The following MAML2 variants were observed in gnomAD, a reference collection of about 807,000 sequenced individuals.
MAML2 encodes the protein mastermind-like protein 2.
MAML2 carries 22 observed loss-of-function variants against 96.1 expected under a neutral mutation model. The observed-to-expected ratio is 0.23, with a 90% CI of 0.16 to 0.33. MAML2 has a LOEUF of 0.33. MAML2 is among the 10% of genes least tolerant of loss of function. The pLI is 1.00. For missense variants in MAML2, 1,367 were observed against 1,392.4 expected (o/e 0.98, Z 0.29); for synonymous variants, 561 against 521.3 (o/e 1.08, Z -1.04).
chr11:96,225,179 T>C (rs1472339561), intron 1 of MAML2, among the ~76,000 whole-genome samples: 1 of 152,124 alleles, frequency 6.6e-6, no homozygotes, highest in East Asian at 1.9e-4. Flanking sequence ...AGGAACAAAA[T>C]AGAGGGGAAG....
chr11:96,339,350 A>T (rs1269441320), intron 1 of MAML2, among the ~76,000 whole-genome samples: 2 of 152,220 alleles, frequency 1.3e-5, no homozygotes, highest in Non-Finnish European at 2.9e-5. Context: ...CTGTAAAGTT[A>T]CCACGACCAC....
At chr11:96,232,191 C>T (rs1327865788) in intron 1 of MAML2, among the ~76,000 whole-genome samples, 3 of 152,204 alleles carry the variant, frequency 2.0e-5, no homozygotes, top group Non-Finnish European at 4.4e-5. Context: ...CCCTAAGCAT[C>T]ACGTCTTTGG....
intron 1 of MAML2, among the ~76,000 whole-genome samples, chr11:96,317,087 G>A (rs1863642773): frequency 6.6e-6 from 1 of 152,166 alleles, no homozygotes; most frequent in Non-Finnish European, 1.5e-5. Flanking sequence ...TTCCACAGAT[G>A]TTCCTCGGTG....
chr11:96,230,047 A>T (rs1862270027), intron 1 of MAML2, among the ~76,000 whole-genome samples: 1 of 152,210 alleles, frequency 6.6e-6, no homozygotes, highest in Non-Finnish European at 1.5e-5. Context: ...CTGAAAATTG[A>T]AACAGCTTTA....
intron 1 of MAML2, among the ~76,000 whole-genome samples, chr11:96,129,356 G>T (rs1469073187): frequency 1.3e-5 from 2 of 152,196 alleles, no homozygotes; most frequent in Non-Finnish European, 2.9e-5. Flanking sequence ...TCTACCTCTA[G>T]AGTTTCAGGT....
chr11:96,009,301 G>C (rs1213753522), intron 2 of MAML2, among the ~76,000 whole-genome samples: 1 of 152,010 alleles, frequency 6.6e-6, no homozygotes, highest in African/African-American at 2.4e-5. Flanking sequence ...TCTTTACCTT[G>C]ATCTGACAGC....
chr11:96,267,775 T>C (rs1844201837), intron 1 of MAML2, among the ~76,000 whole-genome samples: 1 of 152,214 alleles, frequency 6.6e-6, no homozygotes, highest in Non-Finnish European at 1.5e-5. Context: ...AGTCTAATTA[T>C]GGGAGGGCTG....
At chr11:96,318,217 C>T (rs1361311588) in intron 1 of MAML2, among the ~76,000 whole-genome samples, 3 of 152,190 alleles carry the variant, frequency 2.0e-5, no homozygotes, top group African/African-American at 7.2e-5. Context: ...TTGTTGGTTA[C>T]ATCTCCAAGA....
chr11:96,228,463 T>C (rs1862245544), intron 1 of MAML2, among the ~76,000 whole-genome samples: 2 of 152,144 alleles, frequency 1.3e-5, no homozygotes, highest in Non-Finnish European at 2.9e-5. Context: ...CCAAACACTT[T>C]CCCCAAGTCA....
At chr11:96,106,093 T>A (rs752169565) in intron 1 of MAML2, among the ~76,000 whole-genome samples, 3 of 152,230 alleles carry the variant, frequency 2.0e-5, no homozygotes, top group African/African-American at 7.2e-5. Flanking sequence ...GCCTTTATAT[T>A]GTTTGCAGTT....
At chr11:96,055,528 T>C (rs979226024) in intron 2 of MAML2, among the ~76,000 whole-genome samples, 1 of 152,212 alleles carries the variant, frequency 6.6e-6, no homozygotes, top group Non-Finnish European at 1.5e-5. Context: ...CTATACTTTG[T>C]ATGAAAAGAT....
At chr11:96,218,819 T>C (rs1862088628) in intron 1 of MAML2, among the ~76,000 whole-genome samples, 1 of 152,238 alleles carries the variant, frequency 6.6e-6, no homozygotes. Context: ...GTTATAAGTA[T>C]GTCCCATGGA....
chr11:96,316,647 C>T (rs960423784), intron 1 of MAML2, among the ~76,000 whole-genome samples: 5 of 152,168 alleles, frequency 3.3e-5, no homozygotes, highest in Admixed American at 3.3e-4. Context: ...GCAGCATGAG[C>T]AGGACCTACA....
At chr11:96,162,690 C>CTGGGCA (rs1458973641) in intron 1 of MAML2, among the ~76,000 whole-genome samples, 1 of 147,734 alleles carries the variant, frequency 6.8e-6, no homozygotes, top group Non-Finnish European at 1.5e-5. Context: ...CAGCCTGGGC[C>CTGGGCA]AAAAGAGTAA....
At chr11:96,322,143 T>C (rs1175092776) in intron 1 of MAML2, among the ~76,000 whole-genome samples, 2 of 152,082 alleles carry the variant, frequency 1.3e-5, no homozygotes, top group African/African-American at 4.8e-5. Flanking sequence ...AGTGCACCGC[T>C]AATAATAAGA....
intron 1 of MAML2, among the ~76,000 whole-genome samples, chr11:96,176,744 A>G (rs2135906032): frequency 6.6e-6 from 1 of 152,298 alleles, no homozygotes; most frequent in East Asian, 1.9e-4. Flanking sequence ...AGGTAGTGGG[A>G]AGGAAGTAGC....
At position 95,977,386 on chromosome 11, in the gene MAML2, T is replaced by A. The variant is rs1490503386; in HGVS notation, c.*1562A>T. On this transcript the variant is annotated 3_prime_UTR_variant, in exon 5 of 5. Coordinates refer to ENST00000524717, the MANE Select transcript of MAML2 (RefSeq NM_032427.4). Reference sequence around the variant, plus strand: ...TTGGTATTGTAAAGAAGGAGAGTGCTTCCAGACATTTTAAAGACTGGGAGA... The same window carrying A: ...TTGGTATTGTAAAGAAGGAGAGTGCATCCAGACATTTTAAAGACTGGGAGA... The A allele has an allele frequency of 5.3e-6, 1 of 188,534 alleles. No individual in the cohort carries two copies. The highest frequency in any genetic ancestry group is 1.1e-5 in the Non-Finnish European group (1 of 89,594). The allele number at this position is 188,534 out of a possible 1,614,324, so 11.7% of individuals were successfully genotyped here.
chr11:95,980,598 G>C (rs1180825718), intron 4 of MAML2, among the ~76,000 whole-genome samples: 1 of 152,174 alleles, frequency 6.6e-6, no homozygotes, highest in Non-Finnish European at 1.5e-5. Context: ...CTATCAAATT[G>C]TTACTCAATG....
intron 1 of MAML2, among the ~76,000 whole-genome samples, chr11:96,274,134 G>A (rs1047024687): frequency 1.5e-5 from 2 of 135,594 alleles, no homozygotes; most frequent in African/African-American, 2.8e-5. Context: ...TCAGGCTGGA[G>A]TGCAGCGGCG....
Sources: allele counts gnomAD v4.1 joint callset (sites outside exome capture counted in the v4.1 genomes callset), GRCh38; gene constraint gnomAD v4.1.1; transcripts MANE v1.5; gene names NCBI Gene and HGNC (gene_info 2026-07-23, HGNC 2026-07-21).